Variants in LRRIQ3 observed in about 807,000 individuals in gnomAD.
LRRIQ3 encodes leucine-rich repeat and IQ domain-containing protein 3.
A neutral mutation model predicts 59.3 loss-of-function variants in LRRIQ3; 75 were observed. That is an observed-to-expected ratio of 1.26 (90% CI 1.05 to 1.53). The LOEUF (loss-of-function observed/expected upper bound fraction) is 1.53. Among genes scored for constraint, LRRIQ3 ranks in the 40% most tolerant of loss-of-function variants. LRRIQ3 has a pLI of 0.00. For missense variants in LRRIQ3, 831 were observed against 710.0 expected (o/e 1.17, Z -1.94); for synonymous variants, 250 against 231.3 (o/e 1.08, Z -0.73).
chr1:74,154,535 T>C (rs1318986280), intron 4 of LRRIQ3, among the ~76,000 whole-genome samples: 1 of 152,142 alleles, frequency 6.6e-6, no homozygotes, highest in Non-Finnish European at 1.5e-5. Flanking sequence ...TCATACATGC[T>C]TAGTTTTTAA....
chr1:74,067,777 T>C (rs1557600736), intron 6 of LRRIQ3, among the ~76,000 whole-genome samples: 2 of 152,278 alleles, frequency 1.3e-5, no homozygotes, highest in East Asian at 3.9e-4. Flanking sequence ...CTGTGAGTCA[T>C]AATTTTCACT....
intron 4 of LRRIQ3, among the ~76,000 whole-genome samples, chr1:74,114,965 T>G (rs917092646): frequency 6.6e-6 from 1 of 152,004 alleles, no homozygotes; most frequent in African/African-American, 2.4e-5. Context: ...TGATTAATTT[T>G]ACATGGCTCC....
At chr1:74,173,058 T>C (rs141030634) in intron 3 of LRRIQ3, among the ~76,000 whole-genome samples, 145 of 152,196 alleles carry the variant, frequency 9.5e-4, no homozygotes, top group African/African-American at 3.3e-3. Flanking sequence ...TCCCAGCACT[T>C]TGGGAGGCCG....
At chr1:74,108,800 C>T (rs569623693) in intron 5 of LRRIQ3, 3 of 283,886 alleles carry the variant, frequency 1.1e-5, no homozygotes, top group South Asian at 6.3e-5. Context: ...TCCGATCCTA[C>T]CTATTAATTA....
intron 4 of LRRIQ3, among the ~76,000 whole-genome samples, chr1:74,116,444 C>T (rs1282520476): frequency 6.6e-6 from 1 of 151,748 alleles, no homozygotes; most frequent in Non-Finnish European, 1.5e-5. Flanking sequence ...CCCCACTGAA[C>T]CTGTCAAAGG....
At chr1:74,126,276 G>A (rs1360736191) in intron 4 of LRRIQ3, among the ~76,000 whole-genome samples, 1 of 150,928 alleles carries the variant, frequency 6.6e-6, no homozygotes, top group Non-Finnish European at 1.5e-5. Context: ...AGGGTTTGTT[G>A]ATTATATTTA....
At chr1:74,173,982 T>A (rs915394637) in intron 3 of LRRIQ3, among the ~76,000 whole-genome samples, 35 of 152,206 alleles carry the variant, frequency 2.3e-4, no homozygotes, top group African/African-American at 8.2e-4. Flanking sequence ...AGGTTTCTGA[T>A]GTATCTTGAT....
chr1:74,048,869 T>C (rs921274193), intron 6 of LRRIQ3, among the ~76,000 whole-genome samples: 4 of 152,180 alleles, frequency 2.6e-5, no homozygotes, highest in Non-Finnish European at 4.4e-5. Context: ...AGGTATTTAC[T>C]AAGAAATGCA....
intron 3 of LRRIQ3, among the ~76,000 whole-genome samples, chr1:74,172,198 T>C (rs537311440): frequency 6.6e-6 from 1 of 152,200 alleles, no homozygotes; most frequent in Non-Finnish European, 1.5e-5. Context: ...GTTGAGATCA[T>C]TTTTTCTTTT....
chr1:74,128,682 A>C (rs1382507132), intron 4 of LRRIQ3, among the ~76,000 whole-genome samples: 1 of 152,028 alleles, frequency 6.6e-6, no homozygotes, highest in Non-Finnish European at 1.5e-5. Flanking sequence ...CTGGCCACTG[A>C]AGAATTGGGT....
At chr1:74,100,411 C>T (rs543736252) in intron 5 of LRRIQ3, among the ~76,000 whole-genome samples, 89 of 152,122 alleles carry the variant, frequency 5.9e-4, no homozygotes, top group African/African-American at 2.1e-3. Flanking sequence ...TAAAAGAGGA[C>T]ACAAACAAAT....
At chr1:74,062,792 G>T (rs2100448114) in intron 6 of LRRIQ3, among the ~76,000 whole-genome samples, 2 of 152,108 alleles carry the variant, frequency 1.3e-5, no homozygotes, top group East Asian at 3.9e-4. Context: ...AAGTATATAT[G>T]GATACAATGA....
chr1:74,030,320 AG>A (rs1653662520), intron 7 of LRRIQ3, among the ~76,000 whole-genome samples: 1 of 152,184 alleles, frequency 6.6e-6, no homozygotes, highest in Non-Finnish European at 1.5e-5. Context: ...CTAAGCCAAA[AG>A]AACAAAGCTG....
intron 6 of LRRIQ3, among the ~76,000 whole-genome samples, chr1:74,070,492 A>C (rs1654996183): frequency 6.6e-6 from 1 of 151,940 alleles, no homozygotes; most frequent in Non-Finnish European, 1.5e-5. Flanking sequence ...GAGGGAGGCA[A>C]GAGGGAGAGG....
Position 74,026,789 on chromosome 1 carries a change from C to G in LRRIQ3, c.*24G>C. ...AATAATGACTATAATTTAAGATGAT[C>G]ATAGGATGTGATCTGGCATTGATTC... On this transcript the variant is annotated 3_prime_UTR_variant, in exon 8 of 8. Transcript: ENST00000354431. 6.4e-7 allele frequency: 1 copy of G among 1,568,308 alleles called. No individual in the cohort carries two copies. The highest frequency in any genetic ancestry group is 8.6e-7 in the Non-Finnish European group (1 of 1,157,304).
At chr1:74,133,564 C>G (rs952016619) in intron 4 of LRRIQ3, among the ~76,000 whole-genome samples, 6 of 152,030 alleles carry the variant, frequency 3.9e-5, no homozygotes, top group African/African-American at 1.4e-4. Flanking sequence ...CCTTTGTAGG[C>G]ACCTGGATGA....
chr1:74,100,530 C>T (rs1646515040), intron 5 of LRRIQ3, among the ~76,000 whole-genome samples: 1 of 151,998 alleles, frequency 6.6e-6, no homozygotes, highest in Non-Finnish European at 1.5e-5. Flanking sequence ...CTACTAATGA[C>T]TTTCTTCACA....
At chr1:74,131,811 T>A (rs965499971) in intron 4 of LRRIQ3, among the ~76,000 whole-genome samples, 1 of 152,148 alleles carries the variant, frequency 6.6e-6, no homozygotes, top group Admixed American at 6.6e-5. Flanking sequence ...CTTTGAAAAC[T>A]GGCACAAGAC....
At chr1:74,169,331 C>T (rs1649183287) in intron 3 of LRRIQ3, among the ~76,000 whole-genome samples, 1 of 152,060 alleles carries the variant, frequency 6.6e-6, no homozygotes, top group Non-Finnish European at 1.5e-5. Context: ...CGTGAACGTG[C>T]AGGCTGTTTC....
Sources: allele counts gnomAD v4.1 joint callset (sites outside exome capture counted in the v4.1 genomes callset), GRCh38; gene constraint gnomAD v4.1.1; transcripts MANE v1.5; gene names NCBI Gene and HGNC (gene_info 2026-07-23, HGNC 2026-07-21).